Variants in ARHGAP18 observed in about 807,000 individuals in gnomAD.
ARHGAP18 encodes rho GTPase-activating protein 18.
Under a neutral mutation model 86.2 loss-of-function variants are expected in ARHGAP18, and 67 were observed. That is an observed-to-expected ratio of 0.78 (90% CI 0.64 to 0.95). The LOEUF (loss-of-function observed/expected upper bound fraction) is 0.95. Ranked by LOEUF, ARHGAP18 falls within the 40% of genes least tolerant of loss-of-function variation. ARHGAP18 has a pLI of 0.00. For missense variants in ARHGAP18, 691 were observed against 780.4 expected (o/e 0.89, Z 1.37); for synonymous variants, 283 against 280.4 (o/e 1.01, Z -0.09).
chr6:129,639,418 T>C (rs1773399878), intron 2 of ARHGAP18, among the ~76,000 whole-genome samples: 1 of 152,238 alleles, frequency 6.6e-6, no homozygotes, highest in South Asian at 2.1e-4. Context: ...GACCTGGATC[T>C]GTACCCCATT....
chr6:129,637,210 A>G lies in ARHGAP18; in HGVS notation c.552+1184T>C, dbSNP rs188851179. 5.7e-4 allele frequency among the ~76,000 whole-genome samples: 86 copies of G among 151,932 alleles called. 1 individual carries two copies. In the East Asian group the frequency reaches 0.014, roughly 25 times the overall value. ...CCCGCAAGTAGCTGGGTCTACAGGC[A>G]CATGCCACCGCACCCAGCTAATTCT... is the stretch of plus-strand genomic sequence containing the variant. On this transcript the variant is annotated intron_variant, in intron 3 of 14. Coordinates refer to ENST00000368149, the MANE Select transcript of ARHGAP18 (RefSeq NM_033515.3).
chr6:129,643,030 A>G (rs576112509), intron 1 of ARHGAP18, among the ~76,000 whole-genome samples: 1 of 152,254 alleles, frequency 6.6e-6, no homozygotes, highest in African/African-American at 2.4e-5. Context: ...AACTTCAAGT[A>G]AACAATGTTT....
At chr6:129,707,423 A>G (rs1774819135) in intron 1 of ARHGAP18, among the ~76,000 whole-genome samples, 1 of 152,122 alleles carries the variant, frequency 6.6e-6, no homozygotes, top group African/African-American at 2.4e-5. Flanking sequence ...ATAATTTTTA[A>G]ATGGGTAGGA....
At chr6:129,660,511 G>A (rs1017585449) in intron 1 of ARHGAP18, among the ~76,000 whole-genome samples, 1 of 152,146 alleles carries the variant, frequency 6.6e-6, no homozygotes, top group African/African-American at 2.4e-5. Flanking sequence ...AAAAAGAGCA[G>A]GTTTGGCAGA....
At chr6:129,683,833 T>G (rs568807260) in intron 1 of ARHGAP18, among the ~76,000 whole-genome samples, 1 of 152,278 alleles carries the variant, frequency 6.6e-6, no homozygotes, top group Admixed American at 6.5e-5. Flanking sequence ...GATGTGGGCA[T>G]ACCTGGAAAG....
intron 6 of ARHGAP18, 120 bp from the exon 7 acceptor site, chr6:129,616,423 T>G: frequency 1.4e-6 from 1 of 740,488 alleles, no homozygotes; most frequent in Non-Finnish European, 2.2e-6. Context: ...TAGCAACTAC[T>G]AAGTGAATGA....
chr6:129,676,913 C>CTTTTTTTTTTTTTTTTTTTTTT (rs1562721123), intron 1 of ARHGAP18, among the ~76,000 whole-genome samples: 1 of 34,566 alleles, frequency 2.9e-5, no homozygotes, highest in African/African-American at 8.5e-5. Context: ...ATTTTTTGTC[C>CTTTTTTTTTTTTTTTTTTTTTT]TCTTTTTTTT....
chr6:129,638,723 T>C, intron 2 of ARHGAP18, 94 bp from the exon 3 acceptor site: 3 of 1,155,628 alleles, frequency 2.6e-6, no homozygotes, highest in Non-Finnish European at 3.7e-6. Flanking sequence ...AACTCTTCTA[T>C]TGTAACCAAA....
chr6:129,709,883 C>T (rs1774874597), intron 1 of ARHGAP18, 141 bp downstream of exon 1: 2 of 651,480 alleles, frequency 3.1e-6, no homozygotes, highest in South Asian at 3.7e-5. Flanking sequence ...AAAAATCACG[C>T]CAAACGTTGC....
At chr6:129,590,267 G>A (rs917867065) in intron 12 of ARHGAP18, among the ~76,000 whole-genome samples, 5 of 152,134 alleles carry the variant, frequency 3.3e-5, no homozygotes, top group Non-Finnish European at 5.9e-5. Context: ...ATAGCTTTGG[G>A]GAGTATGACC....
intron 11 of ARHGAP18, among the ~76,000 whole-genome samples, chr6:129,599,994 T>G (rs1318914825): frequency 3.3e-5 from 5 of 152,206 alleles, no homozygotes; most frequent in African/African-American, 1.2e-4. Context: ...TCAGTTGTCT[T>G]TTTATGGATT....
chr6:129,677,416 G>T (rs1291454089), intron 1 of ARHGAP18, among the ~76,000 whole-genome samples: 1 of 151,610 alleles, frequency 6.6e-6, no homozygotes, highest in Non-Finnish European at 1.5e-5. Flanking sequence ...AATTGCTTTT[G>T]TTGACTAATA....
intron 3 of ARHGAP18, among the ~76,000 whole-genome samples, chr6:129,635,421 C>T (rs758128973): frequency 6.6e-6 from 1 of 152,126 alleles, no homozygotes; most frequent in Non-Finnish European, 1.5e-5. Flanking sequence ...ACGTGGGTAC[C>T]CAGCATCACT....
intron 8 of ARHGAP18, among the ~76,000 whole-genome samples, chr6:129,609,120 G>A (rs1314240544): frequency 6.6e-6 from 1 of 151,504 alleles, no homozygotes. Context: ...AGAATGAGCA[G>A]GGAAAGAATG....
intron 4 of ARHGAP18, among the ~76,000 whole-genome samples, chr6:129,632,122 A>G (rs1263598074): frequency 6.6e-6 from 1 of 152,154 alleles, no homozygotes; most frequent in African/African-American, 2.4e-5. Flanking sequence ...AACCTGAGAC[A>G]ATGTTTCCAT....
At chr6:129,601,940 T>C (rs1788755092) in intron 10 of ARHGAP18, among the ~76,000 whole-genome samples, 1 of 152,094 alleles carries the variant, frequency 6.6e-6, no homozygotes, top group Non-Finnish European at 1.5e-5. Flanking sequence ...GAGAATTTTT[T>C]TTAAAATGAA....
chr6:129,652,698 T>C (rs12197901), intron 1 of ARHGAP18, among the ~76,000 whole-genome samples: 25,264 of 152,148 alleles, frequency 0.17, 2,549 homozygotes, highest in African/African-American at 0.29. Context: ...GAAAAGTATT[T>C]AAATATCATC....
intron 1 of ARHGAP18, among the ~76,000 whole-genome samples, chr6:129,681,355 C>G (rs140463101): frequency 1.3e-5 from 2 of 152,282 alleles, no homozygotes; most frequent in Admixed American, 6.5e-5. Flanking sequence ...GGATTACAGG[C>G]GTGAGCCACC....
At chr6:129,609,655 G>A (rs1156349717) in intron 8 of ARHGAP18, among the ~76,000 whole-genome samples, 2 of 151,228 alleles carry the variant, frequency 1.3e-5, no homozygotes, top group East Asian at 3.8e-4. Flanking sequence ...ATGTCCACTA[G>A]TGGCAAACGT....
Sources: allele counts gnomAD v4.1 joint callset (sites outside exome capture counted in the v4.1 genomes callset), GRCh38; gene constraint gnomAD v4.1.1; transcripts MANE v1.5; gene names NCBI Gene and HGNC (gene_info 2026-07-23, HGNC 2026-07-21).